GALNTL6: variants seen among roughly 807,000 people sequenced by gnomAD.
GALNTL6 encodes polypeptide N-acetylgalactosaminyltransferase like 6, also known as polypeptide N-acetylgalactosaminyltransferase-like 6.
Under a neutral mutation model 73.7 loss-of-function variants are expected in GALNTL6, and 46 were observed. That is an observed-to-expected ratio of 0.62 (90% CI 0.49 to 0.80). The LOEUF (loss-of-function observed/expected upper bound fraction) is 0.80, where lower values mean the gene tolerates loss of function less well. Among genes scored for constraint, GALNTL6 ranks in the 30% least tolerant of loss-of-function variants. GALNTL6 has a pLI of 0.00. For missense variants in GALNTL6, 604 were observed against 755.0 expected (o/e 0.80, Z 2.34); for synonymous variants, 259 against 263.7 (o/e 0.98, Z 0.17).
chr4:172,768,470 G>A (rs1489262406), intron 5 of GALNTL6, among the ~76,000 whole-genome samples: 1 of 152,190 alleles, frequency 6.6e-6, no homozygotes, highest in East Asian at 1.9e-4. Flanking sequence ...AAGAGTGAAA[G>A]TATAGAGATT....
At chr4:172,878,844 T>C (rs1032164464) in intron 7 of GALNTL6, among the ~76,000 whole-genome samples, 1 of 151,836 alleles carries the variant, frequency 6.6e-6, no homozygotes, top group Non-Finnish European at 1.5e-5. Flanking sequence ...TGCAAGTATA[T>C]GTTACCTATA....
At chr4:172,738,551 T>C (rs1736601211) in intron 5 of GALNTL6, among the ~76,000 whole-genome samples, 2 of 152,098 alleles carry the variant, frequency 1.3e-5, no homozygotes, top group African/African-American at 4.8e-5. Context: ...TGCTAAATGA[T>C]TTTTAATGCA....
At chr4:172,114,015 A>G (rs943450516) in intron 2 of GALNTL6, among the ~76,000 whole-genome samples, 1 of 152,144 alleles carries the variant, frequency 6.6e-6, no homozygotes, top group African/African-American at 2.4e-5. Flanking sequence ...AAAAGAAAAC[A>G]GCATAATTGA....
chr4:172,689,487 G>C (rs1240066560), intron 5 of GALNTL6, among the ~76,000 whole-genome samples: 1 of 152,130 alleles, frequency 6.6e-6, no homozygotes, highest in African/African-American at 2.4e-5. Context: ...AAAACGTTTT[G>C]AAAATTTGAA....
intron 2 of GALNTL6, among the ~76,000 whole-genome samples, chr4:172,175,379 G>A (rs1230377385): frequency 1.3e-5 from 2 of 152,132 alleles, no homozygotes; most frequent in African/African-American, 4.8e-5. Context: ...TTATAGGTAT[G>A]AGCCACAGTA....
At chr4:172,637,916 C>T (rs1420182744) in intron 5 of GALNTL6, among the ~76,000 whole-genome samples, 2 of 152,046 alleles carry the variant, frequency 1.3e-5, no homozygotes, top group Admixed American at 6.6e-5. Context: ...GATTTTTGTC[C>T]TCTTTTATTA....
chr4:172,059,021 C>A (rs1731112986), intron 2 of GALNTL6, among the ~76,000 whole-genome samples: 2 of 152,224 alleles, frequency 1.3e-5, no homozygotes, highest in African/African-American at 2.4e-5. Flanking sequence ...ATCAGGGCAT[C>A]TTTTGTTGCA....
At chr4:173,027,165 G>C (rs1033824868) in intron 12 of GALNTL6, among the ~76,000 whole-genome samples, 2 of 152,050 alleles carry the variant, frequency 1.3e-5, no homozygotes, top group African/African-American at 4.8e-5. Flanking sequence ...TGTATTTTTA[G>C]TAGAGACGGG....
chr4:172,439,420 T>C (rs1224591096), intron 5 of GALNTL6, among the ~76,000 whole-genome samples: 2 of 152,056 alleles, frequency 1.3e-5, no homozygotes, highest in Non-Finnish European at 2.9e-5. Context: ...GTTGACTTCA[T>C]ACACACAAAC....
intron 2 of GALNTL6, among the ~76,000 whole-genome samples, chr4:171,942,236 A>C (rs547439851): frequency 6.9e-6 from 1 of 145,874 alleles, no homozygotes; most frequent in South Asian, 2.1e-4. Context: ...AATAAAAAAT[A>C]AATAGATAAA....
intron 10 of GALNTL6, among the ~76,000 whole-genome samples, chr4:172,972,775 A>G (rs538654191): frequency 2.0e-5 from 3 of 152,372 alleles, no homozygotes; most frequent in East Asian, 1.9e-4. Flanking sequence ...AGGGGATCCC[A>G]CTTGCCATAG....
intron 5 of GALNTL6, among the ~76,000 whole-genome samples, chr4:172,513,941 C>T (rs998371111): frequency 7.9e-5 from 12 of 152,156 alleles, no homozygotes; most frequent in Non-Finnish European, 1.3e-4. Context: ...TCTGGTTAGA[C>T]AAGATGTTAC....
chr4:172,491,143 G>A (rs924433985), intron 5 of GALNTL6, among the ~76,000 whole-genome samples: 9 of 152,032 alleles, frequency 5.9e-5, no homozygotes, highest in African/African-American at 1.7e-4. Flanking sequence ...CCTAGGTCTC[G>A]TAATTTCTAG....
chr4:172,332,899 T>C (rs1741180474), intron 4 of GALNTL6, among the ~76,000 whole-genome samples: 1 of 152,218 alleles, frequency 6.6e-6, no homozygotes, highest in Non-Finnish European at 1.5e-5. Context: ...ATGCTGACTA[T>C]ACTAGTTTAC....
chr4:172,808,676 G>T (rs546939021), intron 5 of GALNTL6, among the ~76,000 whole-genome samples: 2 of 151,816 alleles, frequency 1.3e-5, no homozygotes, highest in Non-Finnish European at 2.9e-5. Context: ...TAAATTATCC[G>T]ATTTGATTTT....
intron 2 of GALNTL6, among the ~76,000 whole-genome samples, chr4:172,188,529 A>T (rs1457051366): frequency 6.6e-6 from 1 of 152,216 alleles, no homozygotes; most frequent in African/African-American, 2.4e-5. Context: ...ATGAGGAGAG[A>T]GTCATGGGGA....
chr4:172,993,490 T>A (rs76651376), intron 10 of GALNTL6, among the ~76,000 whole-genome samples: 2 of 152,212 alleles, frequency 1.3e-5, no homozygotes, highest in African/African-American at 4.8e-5. Flanking sequence ...AAGCTTCTCC[T>A]GAAGAATGGC....
intron 4 of GALNTL6, among the ~76,000 whole-genome samples, chr4:172,313,990 AAAT>A (rs1342621044): frequency 5.8e-4 from 88 of 152,338 alleles, no homozygotes; most frequent in African/African-American, 2.0e-3. Flanking sequence ...ACGGAGAGCC[AAAT>A]AATGTCTTAC....
At chr4:172,542,434 G>C (rs1735592334) in intron 5 of GALNTL6, among the ~76,000 whole-genome samples, 1 of 152,044 alleles carries the variant, frequency 6.6e-6, no homozygotes, top group Non-Finnish European at 1.5e-5. Flanking sequence ...AAAATGATTT[G>C]GGGCTGCTTT....
Sources: allele counts gnomAD v4.1 joint callset (sites outside exome capture counted in the v4.1 genomes callset), GRCh38; gene constraint gnomAD v4.1.1; transcripts MANE v1.5; gene names NCBI Gene and HGNC (gene_info 2026-07-23, HGNC 2026-07-21).